The following SHISA6 variants were observed in gnomAD, a reference collection of about 807,000 sequenced individuals.
SHISA6 encodes shisa family member 6, also known as protein shisa-6.
SHISA6 carries 22 observed loss-of-function variants against 47.9 expected under a neutral mutation model. The observed-to-expected ratio is 0.46, with a 90% confidence interval of 0.33 to 0.66. The LOEUF is 0.66. Ranked by LOEUF, SHISA6 falls within the 30% of genes least tolerant of loss-of-function variation. SHISA6 has a pLI of 0.02. For synonymous variants in SHISA6, 388 were observed against 337.8 expected, an observed-to-expected ratio of 1.15 and a Z score of -1.63; for missense variants, 680 against 764.6, an observed-to-expected ratio of 0.89 and a Z score of 1.30.
chr17:11,289,714 C>T (rs1006704886), intron 2 of SHISA6: 1 of 151,776 alleles, frequency 6.6e-6, no homozygotes, highest in Non-Finnish European at 1.5e-5. Flanking sequence ...CATTCTGATT[C>T]CATTGAGTTT....
chr17:11,390,914 A>G (rs980524191), intron 3 of SHISA6, among the ~76,000 whole-genome samples: 2 of 152,068 alleles, frequency 1.3e-5, no homozygotes, highest in African/African-American at 4.8e-5. Flanking sequence ...AGGCAGTAAA[A>G]CTCCTGCCGA....
At chr17:11,343,800 C>A (rs1171635610) in intron 2 of SHISA6, among the ~76,000 whole-genome samples, 1 of 152,168 alleles carries the variant, frequency 6.6e-6, no homozygotes, top group East Asian at 1.9e-4. Context: ...AAATGAAGGA[C>A]AAGAGGATGT....
chr17:11,303,439 G>A (rs1259825714), intron 2 of SHISA6, among the ~76,000 whole-genome samples: 1 of 151,974 alleles, frequency 6.6e-6, no homozygotes, highest in African/African-American at 2.4e-5. Flanking sequence ...GTGGTTTTGT[G>A]TGCAGTTGTA....
At chr17:11,307,835 T>C (rs188396663) in intron 2 of SHISA6, among the ~76,000 whole-genome samples, 3 of 151,374 alleles carry the variant, frequency 2.0e-5, no homozygotes, top group Admixed American at 2.0e-4. Context: ...TAACGAAAAT[T>C]GTTACATAGA....
At chr17:11,432,124 AGAG>A (rs1454140016) in intron 3 of SHISA6, among the ~76,000 whole-genome samples, 3 of 152,246 alleles carry the variant, frequency 2.0e-5, no homozygotes, top group Admixed American at 2.0e-4. Flanking sequence ...TTGAGAGATC[AGAG>A]AAGAAAGGAT....
intron 3 of SHISA6, among the ~76,000 whole-genome samples, chr17:11,410,938 A>C (rs1180562689): frequency 1.3e-5 from 2 of 152,146 alleles, no homozygotes; most frequent in African/African-American, 4.8e-5. Context: ...GTGAAACAGA[A>C]ACTCAATTCT....
At chr17:11,447,756 G>A (rs1279103309) in intron 3 of SHISA6, among the ~76,000 whole-genome samples, 1 of 152,210 alleles carries the variant, frequency 6.6e-6, no homozygotes, top group East Asian at 1.9e-4. Context: ...CCTCAATGAA[G>A]TTTCTGCCCG....
intron 3 of SHISA6, among the ~76,000 whole-genome samples, chr17:11,457,575 CAA>C (rs56253032): frequency 0.46 from 62,748 of 137,204 alleles, 13,988 homozygotes; most frequent in African/African-American, 0.59. Flanking sequence ...ACTAAAAATG[CAA>C]AAAAAAAAAA....
At chr17:11,277,280 T>TCTCTCTCTCTCTCTCTCTCTCA (rs1386997909) in intron 2 of SHISA6, among the ~76,000 whole-genome samples, 4 of 53,860 alleles carry the variant, frequency 7.4e-5, no homozygotes, top group Non-Finnish European at 1.0e-4. Context: ...TCTCTCTCTC[T>TCTCTCTCTCTCTCTCTCTCTCA]CACACACACA....
chr17:11,326,415 CATTT>C (rs1335765033), intron 2 of SHISA6, among the ~76,000 whole-genome samples: 2 of 152,106 alleles, frequency 1.3e-5, no homozygotes, highest in Non-Finnish European at 2.9e-5. Flanking sequence ...TGTGTGCATT[CATTT>C]GTGTGTGTTG....
chr17:11,427,996 A>C (rs1284031757), intron 3 of SHISA6, among the ~76,000 whole-genome samples: 3 of 152,022 alleles, frequency 2.0e-5, no homozygotes, highest in Admixed American at 6.6e-5. Context: ...CCAGACAAAC[A>C]CTCTGCATGT....
At chr17:11,245,475 G>A (rs1182536365) in intron 1 of SHISA6, among the ~76,000 whole-genome samples, 3 of 152,216 alleles carry the variant, frequency 2.0e-5, no homozygotes, top group African/African-American at 4.8e-5. Context: ...CCAGGAAACC[G>A]CCTGGGAGCC....
At chr17:11,354,319 G>C (rs1465414934) in intron 2 of SHISA6, among the ~76,000 whole-genome samples, 1 of 152,156 alleles carries the variant, frequency 6.6e-6, no homozygotes, top group African/African-American at 2.4e-5. Flanking sequence ...TGTGCCCATT[G>C]CTGCTGCTCC....
At chr17:11,397,475 C>T (rs1913611548) in intron 3 of SHISA6, among the ~76,000 whole-genome samples, 1 of 149,088 alleles carries the variant, frequency 6.7e-6, no homozygotes, top group South Asian at 2.1e-4. Flanking sequence ...TTGCCCAGTC[C>T]TCTCTTGGCT....
At chr17:11,369,126 C>T (rs1258188979) in intron 2 of SHISA6, among the ~76,000 whole-genome samples, 1 of 152,184 alleles carries the variant, frequency 6.6e-6, no homozygotes, top group Non-Finnish European at 1.5e-5. Context: ...CTCTATGTTA[C>T]TGAGATATGC....
At chr17:11,340,655 A>T (rs1911490838) in intron 2 of SHISA6, among the ~76,000 whole-genome samples, 1 of 152,182 alleles carries the variant, frequency 6.6e-6, no homozygotes, top group Non-Finnish European at 1.5e-5. Flanking sequence ...TCATCTTTGC[A>T]GACAGTCTGG....
chr17:11,517,258 T>G (rs1006470051), intron 3 of SHISA6, among the ~76,000 whole-genome samples: 12 of 152,126 alleles, frequency 7.9e-5, no homozygotes, highest in African/African-American at 2.2e-4. Context: ...AGGTGGGGTA[T>G]ATTCACATTA....
At chr17:11,442,980 G>C (rs1024860340) in intron 3 of SHISA6, among the ~76,000 whole-genome samples, 1 of 152,202 alleles carries the variant, frequency 6.6e-6, no homozygotes, top group Non-Finnish European at 1.5e-5. Flanking sequence ...CATCCTGGTA[G>C]TTCTTAGCAG....
intron 3 of SHISA6, among the ~76,000 whole-genome samples, chr17:11,408,023 G>C (rs1369364998): frequency 6.6e-6 from 1 of 152,186 alleles, no homozygotes; most frequent in Non-Finnish European, 1.5e-5. Context: ...AATATGATCT[G>C]ATGTGCCTGG....
Sources: allele counts gnomAD v4.1 joint callset (sites outside exome capture counted in the v4.1 genomes callset), GRCh38; gene constraint gnomAD v4.1.1; transcripts MANE v1.5; gene names NCBI Gene and HGNC (gene_info 2026-07-23, HGNC 2026-07-21).